The following MATN2 variants were observed in gnomAD, a reference collection of about 807,000 sequenced individuals.
MATN2 encodes matrilin-2.
MATN2 carries 69 observed loss-of-function variants against 103.2 expected under a neutral mutation model. The observed-to-expected ratio is 0.67, with a 90% confidence interval of 0.55 to 0.82. The LOEUF (loss-of-function observed/expected upper bound fraction) is 0.82. MATN2 is among the 40% of genes least tolerant of loss of function. The pLI, the probability that MATN2 is intolerant of heterozygous loss-of-function variation, is 0.00. For synonymous variants in MATN2, 429 were observed against 450.2 expected, an observed-to-expected ratio of 0.95 and a Z score of 0.60; for missense variants, 1,023 against 1,211.5, an observed-to-expected ratio of 0.84 and a Z score of 2.31.
At chr8:97,923,371 CT>C (rs2130114868) in intron 2 of MATN2, among the ~76,000 whole-genome samples, 1 of 152,256 alleles carries the variant, frequency 6.6e-6, no homozygotes, top group South Asian at 2.1e-4. Flanking sequence ...ATTCCTAGTT[CT>C]AAGAACAATT....
chr8:97,962,310 G>A (rs995420432), intron 5 of MATN2, among the ~76,000 whole-genome samples: 3 of 152,192 alleles, frequency 2.0e-5, no homozygotes, highest in Non-Finnish European at 4.4e-5. Flanking sequence ...CCTGCATTTT[G>A]TCTTCCGTGT....
In MATN2 at chr8:98,005,194, G is replaced by A. The variant is rs146033560; in HGVS notation, c.1327+1411G>A. ...AGTGTCCAGAGAGAACAAAGTGCCC[G>A]GTAAAGGCTTTCTAAGGACTGATCT... On this transcript the variant is annotated intron_variant, in intron 8 of 18. Transcript: ENST00000254898. The surrounding 1 kb of genome is among the most constrained non-coding windows in gnomAD (Gnocchi z 4.6). Among the ~76,000 whole-genome samples, 8 of 152,318 alleles carry A rather than the reference G, an allele frequency of 5.3e-5. No individual in the cohort carries two copies. In the East Asian group the frequency reaches 1.2e-3, roughly 22 times the overall value.
At chr8:97,889,608 T>A (rs1818564188) in intron 2 of MATN2, among the ~76,000 whole-genome samples, 1 of 151,668 alleles carries the variant, frequency 6.6e-6, no homozygotes, top group South Asian at 2.1e-4. Context: ...CACGCTCAGC[T>A]AATTTTTGTA....
At chr8:97,961,607 C>T (rs1647548260) in intron 5 of MATN2, 77 bp downstream of exon 5, 1 of 1,404,122 alleles carries the variant, frequency 7.1e-7, no homozygotes, top group Non-Finnish European at 9.4e-7. Context: ...CTCACGTGTA[C>T]CTCCCACATA....
chr8:97,965,214 C>G (rs544385247), intron 5 of MATN2, among the ~76,000 whole-genome samples: 8 of 152,180 alleles, frequency 5.3e-5, no homozygotes, highest in Non-Finnish European at 1.2e-4. Context: ...AAGTTGAAGA[C>G]AGCAGAAGGA....
intron 1 of MATN2, among the ~76,000 whole-genome samples, chr8:97,876,356 A>G (rs1818070044): frequency 6.6e-6 from 1 of 151,900 alleles, no homozygotes; most frequent in African/African-American, 2.4e-5. Flanking sequence ...TGCCCGGCTA[A>G]TTTTGTATTT....
At chr8:97,888,739 A>C (rs1298541737) in intron 2 of MATN2, among the ~76,000 whole-genome samples, 3 of 152,184 alleles carry the variant, frequency 2.0e-5, no homozygotes, top group Admixed American at 2.0e-4. Context: ...AGAAAAAGGA[A>C]ATGTCATGAA....
At chr8:97,914,738 C>T (rs1809565384) in intron 2 of MATN2, among the ~76,000 whole-genome samples, 1 of 152,168 alleles carries the variant, frequency 6.6e-6, no homozygotes, top group South Asian at 2.1e-4. Context: ...AGGACCCAGC[C>T]TTGCCACATC....
intron 1 of MATN2, among the ~76,000 whole-genome samples, chr8:97,884,352 C>T (rs1313134766): frequency 6.6e-6 from 1 of 151,876 alleles, no homozygotes; most frequent in African/African-American, 2.4e-5. Flanking sequence ...GTTGATGAGG[C>T]TGGCCTTGAA....
At chr8:98,029,751 G>A (rs1260103257) in intron 14 of MATN2, among the ~76,000 whole-genome samples, 2 of 152,170 alleles carry the variant, frequency 1.3e-5, no homozygotes. Context: ...AGTTATCAGT[G>A]CTGAAAAATG....
intron 13 of MATN2, chr8:98,025,172 T>C (rs1430706804): frequency 1.3e-5 from 2 of 152,194 alleles, no homozygotes; most frequent in Non-Finnish European, 2.9e-5. Flanking sequence ...GAGTTGGCCT[T>C]TTCCTCTTTC....
chr8:98,003,574 T>C (rs1812855928), intron 7 of MATN2, 87 bp from the exon 8 acceptor site: 1 of 1,508,720 alleles, frequency 6.6e-7, no homozygotes, highest in African/African-American at 1.4e-5. Context: ...GCCCTCTCCA[T>C]GGGGGCTCAT....
At chr8:97,943,129 A>G (rs149874907) in intron 4 of MATN2, among the ~76,000 whole-genome samples, 2 of 152,004 alleles carry the variant, frequency 1.3e-5, no homozygotes, top group Non-Finnish European at 2.9e-5. Context: ...CCCACCGAAT[A>G]CTCATGGGTT....
chr8:97,988,167 A>T (rs1265298163), intron 6 of MATN2, among the ~76,000 whole-genome samples: 763 of 58,868 alleles, frequency 0.013, 10 homozygotes, highest in East Asian at 0.046. Flanking sequence ...AAAAAAAAAA[A>T]AAAAATATAT....
rs750624072 is a variant in MATN2 at position 98,032,262 on chromosome 8, TG to T, written c.2528del (p.Gly843GlufsTer25). On this transcript the variant is annotated frameshift_variant, in exon 16 of 19. Coordinates refer to ENST00000254898, the MANE Select transcript of MATN2 (RefSeq NM_002380.5). LOFTEE classifies it high-confidence loss of function. ...GICEALEDSD[G>X]RQDSPAGELP... Reference sequence around the variant, plus strand: ...TCTGCTCAGCTCTAGAAGACTCCGATGGAAGACAGGACTCTCCAGCAGGGGA... The same window carrying T: ...TCTGCTCAGCTCTAGAAGACTCCGATGAAGACAGGACTCTCCAGCAGGGGA... 9 of 1,611,872 alleles carry T rather than the reference TG, an allele frequency of 5.6e-6. No individual in the cohort carries two copies. Among genetic ancestry groups the T allele is most frequent in the Non-Finnish European group, 7.6e-6 (9 of 1,178,942 alleles).
chr8:97,928,640 C>T (rs892487167), intron 2 of MATN2, among the ~76,000 whole-genome samples: 47 of 152,246 alleles, frequency 3.1e-4, no homozygotes, highest in Admixed American at 1.8e-3. Context: ...GCAGCACCAA[C>T]CACATAGCCA....
chr8:97,952,842 C>A (rs530377995), intron 4 of MATN2, among the ~76,000 whole-genome samples: 14 of 151,428 alleles, frequency 9.2e-5, no homozygotes, highest in Non-Finnish European at 1.8e-4. Flanking sequence ...TTCAATTTAG[C>A]ATAGAACTCA....
chr8:97,906,477 G>T (rs1342005977), intron 2 of MATN2, among the ~76,000 whole-genome samples: 1 of 152,146 alleles, frequency 6.6e-6, no homozygotes, highest in Non-Finnish European at 1.5e-5. Flanking sequence ...CAGATGGTCT[G>T]TTCTCATGTA....
At chr8:97,914,870 A>G (rs1315057794) in intron 2 of MATN2, among the ~76,000 whole-genome samples, 1 of 152,158 alleles carries the variant, frequency 6.6e-6, no homozygotes, top group African/African-American at 2.4e-5. Context: ...TGCTCACCTT[A>G]TAATAACATC....
Sources: allele counts gnomAD v4.1 joint callset (sites outside exome capture counted in the v4.1 genomes callset), GRCh38; gene constraint gnomAD v4.1.1; non-coding constraint Gnocchi (gnomAD v3.1); transcripts MANE v1.5; gene names NCBI Gene and HGNC (gene_info 2026-07-23, HGNC 2026-07-21).